Variants in GPBP1 observed in about 807,000 individuals in gnomAD.
GPBP1 encodes GC-rich promoter binding protein 1.
In GPBP1, 13 loss-of-function variants were observed where a neutral mutation model predicts 56.5. The ratio of observed to expected loss-of-function variants is 0.23; its 90% CI spans 0.15 to 0.37. GPBP1 has a LOEUF of 0.37. Ranked by LOEUF, GPBP1 falls within the 10% of genes least tolerant of loss-of-function variation. The probability of loss-of-function intolerance (pLI) is 1.00; values close to 1 mark genes in which losing one functional copy is unlikely to be tolerated. For missense variants in GPBP1, 477 were observed against 572.3 expected, an observed-to-expected ratio of 0.83 and a Z score of 1.70; for synonymous variants, 204 against 188.9, an observed-to-expected ratio of 1.08 and a Z score of -0.66.
intron 10 of GPBP1, among the ~76,000 whole-genome samples, chr5:57,255,614 G>T (rs1205746450): frequency 2.0e-5 from 3 of 152,242 alleles, no homozygotes; most frequent in Non-Finnish European, 2.9e-5. Flanking sequence ...ACAGATAAAA[G>T]ATTTTTTTAA....
At chr5:57,210,777 G>GAC (rs1294003326) in intron 2 of GPBP1, among the ~76,000 whole-genome samples, 2 of 152,154 alleles carry the variant, frequency 1.3e-5, no homozygotes, top group East Asian at 1.9e-4. Context: ...TTGCCTCTGA[G>GAC]ACCTCTCTCT....
chr5:57,261,791 C>A (rs771258463), intron 11 of GPBP1, among the ~76,000 whole-genome samples: 1 of 152,124 alleles, frequency 6.6e-6, no homozygotes, highest in Non-Finnish European at 1.5e-5. Context: ...TCTAAAACAT[C>A]TTGCTTAATG....
intron 6 of GPBP1, among the ~76,000 whole-genome samples, chr5:57,240,958 TAAAAAA>T (rs78151789): frequency 6.9e-6 from 1 of 144,094 alleles, no homozygotes; most frequent in Non-Finnish European, 1.5e-5. Flanking sequence ...GTCTCCCATT[TAAAAAA>T]AAAAAAAAGG....
chr5:57,249,761 CCCCCTTCCCCTCT>C (rs1373220564), intron 9 of GPBP1, among the ~76,000 whole-genome samples, 185 bp downstream of exon 9: 3 of 103,152 alleles, frequency 2.9e-5, no homozygotes, highest in Non-Finnish European at 4.1e-5. Flanking sequence ...CCTTCCCCCT[CCCCCTTCCCCTCT>C]CCCCTTCCCC....
In GPBP1 at chr5:57,205,502, G is replaced by A. The variant is rs574794732; in HGVS notation, c.-57-8572G>A. Among the ~76,000 whole-genome samples, 413 of 151,194 alleles carry A rather than the reference G, an allele frequency of 2.7e-3. 2 individuals carry two copies. Among genetic ancestry groups the A allele is most frequent in the South Asian group, 8.9e-3 (43 of 4,812 alleles). ...TTTAAGGAATTGCCAAACTTCTACA[G>A]TTGTTGAACCCTTTTACCTTCACAC... On this transcript the variant is annotated intron_variant, in intron 2 of 11. Transcript: ENST00000506184.
chr5:57,181,606 G>GGGGGGCGGTGC (rs1754053308), intron 2 of GPBP1, among the ~76,000 whole-genome samples: 1 of 151,352 alleles, frequency 6.6e-6, no homozygotes, highest in Non-Finnish European at 1.5e-5. Flanking sequence ...AAAAAAGGTG[G>GGGGGGCGGTGC]GGGGGCGGTG....
intron 10 of GPBP1, among the ~76,000 whole-genome samples, chr5:57,255,204 T>A (rs1292481627): frequency 6.7e-6 from 1 of 149,646 alleles, no homozygotes; most frequent in Non-Finnish European, 1.5e-5. Flanking sequence ...TTCTCTCCCC[T>A]TCTCTTTCCC....
At position 57,182,147 on chromosome 5, in the gene GPBP1, G is replaced by C. The variant is rs184479696; in HGVS notation, c.-58+5747G>C. 3.9e-4 allele frequency among the ~76,000 whole-genome samples: 59 copies of C among 152,120 alleles called. 1 individual carries two copies. The highest frequency in any genetic ancestry group is 3.6e-3 in the Admixed American group (55 of 15,284). On this transcript the variant is annotated intron_variant, in intron 2 of 11. Coordinates refer to ENST00000506184, the MANE Select transcript of GPBP1 (RefSeq NM_022913.4). ...TGCCCAGGCTGGAGTGCAGTGGCAT[G>C]ATCTTGGCTCACTGCAACCTCCACC...
chr5:57,199,300 C>T (rs1431707044), intron 2 of GPBP1, among the ~76,000 whole-genome samples: 2 of 152,082 alleles, frequency 1.3e-5, no homozygotes, highest in African/African-American at 4.8e-5. Context: ...TAGTTTTTGA[C>T]TCACAGTTTT....
intron 2 of GPBP1, among the ~76,000 whole-genome samples, chr5:57,187,654 C>T (rs1005211189): frequency 3.9e-5 from 6 of 152,242 alleles, no homozygotes; most frequent in Admixed American, 2.6e-4. Context: ...GTCTTTATGA[C>T]TTAATTCTTG....
At chr5:57,240,866 C>T (rs59202639) in intron 6 of GPBP1, among the ~76,000 whole-genome samples, 4,058 of 151,366 alleles carry the variant, frequency 0.027, 119 homozygotes, top group East Asian at 0.13. Flanking sequence ...TCCAGCTACT[C>T]GGGAGGCTGA....
intron 3 of GPBP1, among the ~76,000 whole-genome samples, chr5:57,219,816 G>GC (rs1755874738): frequency 1.3e-5 from 2 of 152,128 alleles, no homozygotes; most frequent in African/African-American, 4.8e-5. Flanking sequence ...ACTTTGGGAG[G>GC]CCGAAGCAGG....
intron 2 of GPBP1, among the ~76,000 whole-genome samples, chr5:57,202,099 TCCTC>T (rs1265735725): frequency 6.6e-6 from 1 of 152,148 alleles, no homozygotes; most frequent in Non-Finnish European, 1.5e-5. Flanking sequence ...GTTCAGGTGA[TCCTC>T]CCACCTCAGC....
chr5:57,223,814 A>T (rs1198933834), intron 3 of GPBP1, among the ~76,000 whole-genome samples: 2 of 149,218 alleles, frequency 1.3e-5, no homozygotes, highest in African/African-American at 2.4e-5. Flanking sequence ...AATTTTAAAA[A>T]ATATATATAT....
At chr5:57,178,490 C>T (rs1446793884) in intron 2 of GPBP1, among the ~76,000 whole-genome samples, 2 of 152,064 alleles carry the variant, frequency 1.3e-5, no homozygotes, top group Non-Finnish European at 2.9e-5. Flanking sequence ...AGATGATTCA[C>T]CTGCCTCCAC....
intron 3 of GPBP1, among the ~76,000 whole-genome samples, chr5:57,219,868 C>T (rs530623993): frequency 3.3e-5 from 5 of 151,990 alleles, no homozygotes; most frequent in East Asian, 3.9e-4. Flanking sequence ...GCTGGACCAA[C>T]GTGGAAAAAC....
At chr5:57,233,842 C>T (rs1474902066) in intron 5 of GPBP1, among the ~76,000 whole-genome samples, 15 of 152,188 alleles carry the variant, frequency 9.9e-5, no homozygotes, top group Admixed American at 9.8e-4. Flanking sequence ...GGTAATAGTA[C>T]TCTCATAGTG....
At chr5:57,174,927 C>T (rs138739950) in intron 1 of GPBP1, among the ~76,000 whole-genome samples, 1 of 152,170 alleles carries the variant, frequency 6.6e-6, no homozygotes, top group East Asian at 1.9e-4. Flanking sequence ...TGCCCTACTT[C>T]TAGTTCACCT....
intron 3 of GPBP1, among the ~76,000 whole-genome samples, chr5:57,220,667 C>T (rs956171535): frequency 6.6e-6 from 1 of 151,928 alleles, no homozygotes; most frequent in Non-Finnish European, 1.5e-5. Flanking sequence ...ATCATATTGT[C>T]CAGGCTGGTC....
Sources: gnomAD v4.1 joint callset for allele counts (sites outside exome capture counted in the v4.1 genomes callset) on GRCh38, gnomAD v4.1.1 for gene constraint, MANE v1.5 for transcripts, NCBI Gene and HGNC (gene_info 2026-07-23, HGNC 2026-07-21) for gene names.